Variants in TMEM135 observed in about 807,000 individuals in gnomAD.
TMEM135 encodes peroxisomal membrane protein 52.
TMEM135 carries 30 observed loss-of-function variants against 60.3 expected under a neutral mutation model. The observed-to-expected ratio is 0.50, with a 90% CI of 0.37 to 0.68. The LOEUF is 0.68. Among genes scored for constraint, TMEM135 ranks in the 30% least tolerant of loss-of-function variants. The probability of loss-of-function intolerance (pLI) is 0.00; values close to 1 mark genes in which losing one functional copy is unlikely to be tolerated. For synonymous variants in TMEM135, 190 were observed against 186.7 expected (o/e 1.02, Z -0.14); for missense variants, 468 against 548.8 (o/e 0.85, Z 1.47).
At chr11:87,215,326 CA>C (rs1940472733) in intron 5 of TMEM135, among the ~76,000 whole-genome samples, 1 of 152,130 alleles carries the variant, frequency 6.6e-6, no homozygotes, top group Non-Finnish European at 1.5e-5. Flanking sequence ...GGCTTTAAAA[CA>C]GTGACAGTTT....
At chr11:87,265,113 A>T (rs1252704247) in intron 6 of TMEM135, among the ~76,000 whole-genome samples, 1 of 151,970 alleles carries the variant, frequency 6.6e-6, no homozygotes, top group Non-Finnish European at 1.5e-5. Flanking sequence ...GTCTATTCAC[A>T]CTTAGATCAG....
intron 4 of TMEM135, among the ~76,000 whole-genome samples, chr11:87,108,070 G>A (rs182347967): frequency 6.6e-6 from 1 of 152,284 alleles, no homozygotes; most frequent in African/African-American, 2.4e-5. Context: ...CTTTTGAGAA[G>A]TGTCTGTTCA....
intron 5 of TMEM135, among the ~76,000 whole-genome samples, chr11:87,192,404 T>C (rs1939830641): frequency 1.3e-5 from 2 of 152,168 alleles, no homozygotes; most frequent in South Asian, 4.1e-4. Flanking sequence ...TGTTTCTTTT[T>C]TTTGCTGTAA....
At chr11:87,166,933 A>C (rs13266909) in intron 5 of TMEM135, among the ~76,000 whole-genome samples, 3 of 152,168 alleles carry the variant, frequency 2.0e-5, no homozygotes, top group African/African-American at 7.2e-5. Context: ...CTTCCTATCC[A>C]TGAGCATGGA....
chr11:87,095,123 T>C lies in TMEM135; in HGVS notation c.396+3728T>C, dbSNP rs561902559. The C allele has an allele frequency of 1.2e-4, 22 of 184,936 alleles. No homozygotes were observed. In the South Asian group the frequency reaches 2.5e-3, roughly 21 times the overall value. 11.5% of individuals were successfully genotyped at this position (184,936 alleles called of 1,614,324 possible). A position where few individuals can be genotyped will look rare whatever the true frequency, so the allele number is the denominator to read the frequency against. ...ATAAAATTCAGCTCCTGCATGCTGCTGCTTGTTAACTGAGTACATCCACAT... is the reference window on the plus strand; with the variant it reads ...ATAAAATTCAGCTCCTGCATGCTGCCGCTTGTTAACTGAGTACATCCACAT... On this transcript the variant is annotated intron_variant, in intron 4 of 14. Coordinates refer to ENST00000305494, the MANE Select transcript of TMEM135 (RefSeq NM_022918.4).
intron 3 of TMEM135, among the ~76,000 whole-genome samples, chr11:87,079,845 T>TC (rs1015406735): frequency 3.1e-5 from 1 of 31,818 alleles, no homozygotes; most frequent in African/African-American, 2.3e-4. Flanking sequence ...TTTCTTTTCT[T>TC]TTTTTTTTTT....
chr11:87,209,580 A>G (rs981912580), intron 5 of TMEM135, among the ~76,000 whole-genome samples: 1 of 152,186 alleles, frequency 6.6e-6, no homozygotes, highest in Non-Finnish European at 1.5e-5. Flanking sequence ...AGAGATTTAT[A>G]TAACCATATA....
At chr11:87,105,629 A>G (rs1052151774) in intron 4 of TMEM135, among the ~76,000 whole-genome samples, 3 of 152,196 alleles carry the variant, frequency 2.0e-5, no homozygotes, top group East Asian at 3.8e-4. Context: ...ACTTAAATGG[A>G]TATATATTAC....
rs71470736 is a variant in TMEM135, at chr11:87,305,776, AAAAT to A, written c.699-132_699-129del. On this transcript the variant is annotated intron_variant, in intron 8 of 14. Transcript: ENST00000305494. ...AGGGACAAGAGCGAGACTTTATCTC[AAAAT>A]AAATAAATAAATAAATAAATAAATA... 5.2e-4 allele frequency among the ~76,000 whole-genome samples: 75 copies of A among 144,062 alleles called. No individual in the cohort carries two copies. The Middle Eastern group carries it at 0.011, about 20-fold the overall frequency. 94.5% of individuals were successfully genotyped at this position (144,062 alleles called of 152,430 possible).
intron 4 of TMEM135, among the ~76,000 whole-genome samples, chr11:87,136,198 G>A (rs1003287686): frequency 1.3e-5 from 2 of 151,876 alleles, no homozygotes; most frequent in African/African-American, 4.8e-5. Context: ...TTTTAAATCT[G>A]TATGCCTTAT....
Position 87,118,917 on chromosome 11 carries a change from A to T in TMEM135, c.396+27522A>T, listed in dbSNP as rs777379208. On this transcript the variant is annotated intron_variant, in intron 4 of 14. Transcript: ENST00000305494. ...GAGAGTTAGGGCCTTGCTCTGGATT[A>T]GGTTTTGGTGAAGGGAATGTTGTGG... is the stretch of plus-strand genomic sequence containing the variant. 1.7e-3 allele frequency among the ~76,000 whole-genome samples: 262 copies of T among 152,278 alleles called. 1 individual carries two copies. Among genetic ancestry groups the T allele is most frequent in the Non-Finnish European group, 2.7e-3 (183 of 68,008 alleles).
At chr11:87,286,695 T>C (rs945131300) in intron 6 of TMEM135, among the ~76,000 whole-genome samples, 21 of 152,284 alleles carry the variant, frequency 1.4e-4, no homozygotes, top group African/African-American at 5.1e-4. Flanking sequence ...TAAAGAGAAT[T>C]GGGAGTCACA....
chr11:87,297,680 A>G (rs1461846501), intron 7 of TMEM135, among the ~76,000 whole-genome samples: 1 of 152,198 alleles, frequency 6.6e-6, no homozygotes, highest in African/African-American at 2.4e-5. Context: ...GCTAGTTTGG[A>G]CTATTTGCAC....
In TMEM135 at chr11:87,328,643, C is replaced by G. The variant is rs771616348; in HGVS notation, c.*7310C>G. On this transcript the variant is annotated 3_prime_UTR_variant, in exon 15 of 15. Transcript: ENST00000305494. The stretch of plus-strand genomic sequence containing the variant: ...CTTTACTTAGAATAATGGCCTCCAG[C>G]TCCATCCAAGATGCTGCAAAAGACA... 2.2e-6 allele frequency: 1 copy of G among 454,092 alleles called. No homozygotes were observed. Among genetic ancestry groups the G allele is most frequent in the South Asian group, 1.6e-5 (1 of 64,478 alleles). 28.1% of individuals were successfully genotyped at this position (454,092 alleles called of 1,614,324 possible).
chr11:87,100,776 C>T (rs1055583613), intron 4 of TMEM135, among the ~76,000 whole-genome samples: 4 of 151,934 alleles, frequency 2.6e-5, no homozygotes, highest in Admixed American at 6.6e-5. Flanking sequence ...GCAGGAGAAT[C>T]GCTTGAACCC....
chr11:87,045,986 A>G (rs995246322), intron 1 of TMEM135, among the ~76,000 whole-genome samples: 12 of 152,230 alleles, frequency 7.9e-5, no homozygotes, highest in Admixed American at 2.0e-4. Context: ...TACTTCTTAC[A>G]TTGAGTTTAT....
intron 6 of TMEM135, among the ~76,000 whole-genome samples, chr11:87,259,736 T>C (rs1269636408): frequency 6.6e-6 from 1 of 152,232 alleles, no homozygotes; most frequent in Non-Finnish European, 1.5e-5. Context: ...AGATGTGTGA[T>C]TGAGTCACTG....
At chr11:87,279,396 G>C (rs1942021254) in intron 6 of TMEM135, among the ~76,000 whole-genome samples, 1 of 152,146 alleles carries the variant, frequency 6.6e-6, no homozygotes, top group Non-Finnish European at 1.5e-5. Flanking sequence ...CAGTGTGTAA[G>C]ACAGCAACTG....
At chr11:87,169,884 C>T (rs910015943) in intron 5 of TMEM135, among the ~76,000 whole-genome samples, 1 of 152,104 alleles carries the variant, frequency 6.6e-6, no homozygotes, top group Non-Finnish European at 1.5e-5. Flanking sequence ...GGGTAATATC[C>T]TGAAGAGTGT....
Sources: gnomAD v4.1 joint callset for allele counts (sites outside exome capture counted in the v4.1 genomes callset) on GRCh38, gnomAD v4.1.1 for gene constraint, MANE v1.5 for transcripts, NCBI Gene and HGNC (gene_info 2026-07-23, HGNC 2026-07-21) for gene names.